Variants in RAB2A observed in about 807,000 individuals in gnomAD.
RAB2A encodes the protein ras-related protein Rab-2A.
Under a neutral mutation model 32.5 loss-of-function variants are expected in RAB2A, and 7 were observed. The observed-to-expected ratio is 0.22, with a 90% confidence interval of 0.12 to 0.40. RAB2A has a LOEUF of 0.40. Ranked by LOEUF, RAB2A falls within the 10% of genes least tolerant of loss-of-function variation. The pLI is 1.00. For synonymous variants in RAB2A, 79 were observed against 85.2 expected (o/e 0.93, Z 0.40); for missense variants, 108 against 260.7 (o/e 0.41, Z 4.03).
At chr8:60,542,934 A>T (rs1245679021) in intron 1 of RAB2A, among the ~76,000 whole-genome samples, 2 of 152,234 alleles carry the variant, frequency 1.3e-5, no homozygotes, top group African/African-American at 2.4e-5. Context: ...CATTCAATTA[A>T]TATTCTTTGA....
chr8:60,580,674 T>C (rs1481377865), intron 3 of RAB2A, among the ~76,000 whole-genome samples: 1 of 152,244 alleles, frequency 6.6e-6, no homozygotes, highest in Non-Finnish European at 1.5e-5. Context: ...GAAGTCTAGA[T>C]TCAAATGTAT....
chr8:60,552,938 G>T (rs576467031), intron 1 of RAB2A: 13 of 152,282 alleles, frequency 8.5e-5, no homozygotes, highest in Admixed American at 3.9e-4. Context: ...AGAGCTGGGG[G>T]TCACGTTCTG....
intron 6 of RAB2A, among the ~76,000 whole-genome samples, chr8:60,592,933 A>G (rs1803966599): frequency 6.6e-6 from 1 of 152,236 alleles, no homozygotes; most frequent in Non-Finnish European, 1.5e-5. Flanking sequence ...GTTCTAAAAA[A>G]CAAATGAGTT....
chr8:60,526,055 A>C (rs1182939518), intron 1 of RAB2A, among the ~76,000 whole-genome samples: 1 of 100,074 alleles, frequency 1.0e-5, no homozygotes, highest in African/African-American at 3.7e-5. Flanking sequence ...ATATATATAT[A>C]TAAGTTTTCT....
intron 6 of RAB2A, among the ~76,000 whole-genome samples, chr8:60,604,188 C>T (rs886438544): frequency 3.3e-5 from 5 of 152,192 alleles, no homozygotes; most frequent in African/African-American, 1.2e-4. Flanking sequence ...CTCGCTCCCC[C>T]TTTGCCTTGT....
In RAB2A at chr8:60,620,967, A is replaced by G; in HGVS notation, c.*198A>G. The G allele has an allele frequency of 2.0e-6, 1 of 504,610 alleles. No individual in the cohort carries two copies. The highest frequency in any genetic ancestry group is 3.5e-6 in the Non-Finnish European group (1 of 287,996). 31.3% of individuals were successfully genotyped at this position (504,610 alleles called of 1,614,324 possible). On this transcript the variant is annotated 3_prime_UTR_variant, in exon 8 of 8. Transcript: ENST00000262646. ...GACAGATTTTGGAGATTGTATTCATATCTATTTGCATTTGATTTCTAGGTC... is the reference window on the plus strand; with the variant it reads ...GACAGATTTTGGAGATTGTATTCATGTCTATTTGCATTTGATTTCTAGGTC...
At chr8:60,570,273 A>G (rs1586088932) in intron 2 of RAB2A, among the ~76,000 whole-genome samples, 1 of 152,326 alleles carries the variant, frequency 6.6e-6, no homozygotes, top group African/African-American at 2.4e-5. Context: ...CCCATCCCTG[A>G]CAATGGAAGG....
At chr8:60,528,845 G>A (rs1467799319) in intron 1 of RAB2A, among the ~76,000 whole-genome samples, 1 of 152,070 alleles carries the variant, frequency 6.6e-6, no homozygotes, top group Non-Finnish European at 1.5e-5. Flanking sequence ...GAAAGTGCTG[G>A]GATTACAGGT....
chr8:60,516,944 C>T (rs188897877), upstream of RAB2A: 62 of 357,332 alleles, frequency 1.7e-4, no homozygotes, highest in Non-Finnish European at 2.8e-4. Context: ...GCAGAACTTC[C>T]GGGTCGGCGC....
chr8:60,518,824 T>C (rs1393073420), intron 1 of RAB2A, among the ~76,000 whole-genome samples: 2 of 152,192 alleles, frequency 1.3e-5, no homozygotes, highest in African/African-American at 4.8e-5. Context: ...AAAACAAGAT[T>C]GGAGAGGAAT....
intron 6 of RAB2A, among the ~76,000 whole-genome samples, chr8:60,603,353 C>T (rs1395323660): frequency 6.6e-6 from 1 of 152,206 alleles, no homozygotes; most frequent in African/African-American, 2.4e-5. Flanking sequence ...TGAAGTTTAA[C>T]TGTTACAGTT....
intron 6 of RAB2A, among the ~76,000 whole-genome samples, chr8:60,606,945 G>C (rs556405502): frequency 6.6e-6 from 1 of 152,070 alleles, no homozygotes; most frequent in Non-Finnish European, 1.5e-5. Context: ...AATTGGCGGG[G>C]GATGCGTAAC....
chr8:60,585,074 C>A (rs1803826264), intron 5 of RAB2A, among the ~76,000 whole-genome samples: 1 of 152,040 alleles, frequency 6.6e-6, no homozygotes, highest in Non-Finnish European at 1.5e-5. Flanking sequence ...TATCAGATTA[C>A]TGATGTAAAG....
At chr8:60,560,725 A>AT (rs1330203724) in intron 2 of RAB2A, among the ~76,000 whole-genome samples, 8 of 146,232 alleles carry the variant, frequency 5.5e-5, no homozygotes, top group Non-Finnish European at 1.0e-4. Flanking sequence ...ACACTATGAG[A>AT]TTTTTTTTGT....
At chr8:60,544,716 A>G (rs776367449) in intron 1 of RAB2A, among the ~76,000 whole-genome samples, 46 of 152,110 alleles carry the variant, frequency 3.0e-4, no homozygotes, top group Non-Finnish European at 6.3e-4. Context: ...AATTTTATAC[A>G]TGTGGAAGTG....
intron 1 of RAB2A, chr8:60,552,477 A>ATTT (rs1807869392): frequency 6.6e-6 from 1 of 152,128 alleles, no homozygotes; most frequent in Non-Finnish European, 1.5e-5. Flanking sequence ...AAAATTCTCT[A>ATTT]TATTTTCTTC....
At chr8:60,525,724 C>A (rs946628111) in intron 1 of RAB2A, among the ~76,000 whole-genome samples, 5 of 151,970 alleles carry the variant, frequency 3.3e-5, no homozygotes, top group African/African-American at 1.2e-4. Flanking sequence ...TAGCAGCATG[C>A]TGTAGCCAGC....
intron 6 of RAB2A, among the ~76,000 whole-genome samples, chr8:60,610,061 G>A (rs1481354669): frequency 6.6e-6 from 1 of 151,626 alleles, no homozygotes; most frequent in East Asian, 1.9e-4. Context: ...GTTTGAAAAG[G>A]CCTTTTTAGG....
chr8:60,620,785 C>CTAGCTGCCCAACGGGGCCTACTCAT lies in RAB2A; in HGVS notation c.*40_*41insTTAGCTGCCCAACGGGGCCTACTCA. 1 of 1,606,614 alleles carries CTAGCTGCCCAACGGGGCCTACTCAT rather than the reference C, an allele frequency of 6.2e-7. No individual in the cohort carries two copies. The highest frequency in any genetic ancestry group is 8.5e-7 in the Non-Finnish European group (1 of 1,176,862). ...CTGCTGTTGAGTCTGTTTTTACTGT[C>CTAGCTGCCCAACGGGGCCTACTCAT]TAGCTGCCCAACGGGGCCTACTCAC... is the stretch of plus-strand genomic sequence containing the variant. On this transcript the variant is annotated 3_prime_UTR_variant, in exon 8 of 8. Transcript: ENST00000262646.
Sources: gnomAD v4.1 joint callset for allele counts (sites outside exome capture counted in the v4.1 genomes callset) on GRCh38, gnomAD v4.1.1 for gene constraint, MANE v1.5 for transcripts, NCBI Gene and HGNC (gene_info 2026-07-23, HGNC 2026-07-21) for gene names.